The following ANO9 variants were observed in gnomAD, a reference collection of about 807,000 sequenced individuals.
The protein encoded by ANO9 is anoctamin 9.
A neutral mutation model predicts 100.5 loss-of-function variants in ANO9; 80 were observed. The ratio of observed to expected loss-of-function variants is 0.80; its 90% CI spans 0.66 to 0.96. ANO9 has a LOEUF of 0.96. ANO9 is among the 40% of genes least tolerant of loss of function. ANO9 has a pLI of 0.00. For synonymous variants in ANO9, 473 were observed against 435.6 expected (o/e 1.09, Z -1.07); for missense variants, 1,064 against 1,072.7 (o/e 0.99, Z 0.11).
intron 1 of ANO9, among the ~76,000 whole-genome samples, chr11:435,049 C>T (rs1233749885): frequency 9.2e-5 from 14 of 152,124 alleles, no homozygotes; most frequent in Non-Finnish European, 1.5e-5. Context: ...CCCAGTCACA[C>T]CTGATTTCCA....
intron 19 of ANO9, 183 bp downstream of exon 19, chr11:420,280 C>T: frequency 7.0e-7 from 1 of 1,433,114 alleles, no homozygotes; most frequent in East Asian, 2.5e-5. Context: ...CGGCCCCGCC[C>T]ACTCCTGGTA....
In ANO9 at chr11:434,023, C is replaced by T. The variant is rs1438548780; in HGVS notation, c.81+1G>A. ...CCCGGGAGGGGCCCCCGGACACCCA[C>T]CTCACAGGTGCTGATCTCCATCAGC... On this transcript the variant is annotated splice_donor_variant, in intron 2 of 22. Coordinates refer to ENST00000332826, the MANE Select transcript of ANO9 (RefSeq NM_001012302.3). LOFTEE classifies it high-confidence loss of function. 8 of 1,550,722 alleles carry T rather than the reference C, an allele frequency of 5.2e-6. 1 individual carries two copies. The highest frequency in any genetic ancestry group is 3.4e-4 in the Middle Eastern group (2 of 5,956).
chr11:439,917 G>T lies in ANO9; in HGVS notation c.6+2004C>A, dbSNP rs945990060. 7.2e-5 allele frequency among the ~76,000 whole-genome samples: 11 copies of T among 152,212 alleles called. No homozygotes were observed. The East Asian group carries it at 2.1e-3, about 29-fold the overall frequency. On this transcript the variant is annotated intron_variant, in intron 1 of 22. Transcript: ENST00000332826. ...TCCCCAGACACTGACGGAGCGACCTGCGTGCAGCCCTCCCAGGCAGTGCGT... is the reference window on the plus strand; with the variant it reads ...TCCCCAGACACTGACGGAGCGACCTTCGTGCAGCCCTCCCAGGCAGTGCGT...
At position 434,899 on chromosome 11, in the gene ANO9, C is replaced by T. The variant is rs75748956; in HGVS notation, c.7-801G>A. 9.1e-4 allele frequency among the ~76,000 whole-genome samples: 138 copies of T among 152,096 alleles called. 1 individual carries two copies. Among genetic ancestry groups the T allele is most frequent in the African/African-American group, 3.3e-3 (136 of 41,540 alleles). On this transcript the variant is annotated intron_variant, in intron 1 of 22. Transcript: ENST00000332826. ...GTCTCCAAGCTGTCTCTGGCTGCGT[C>T]ACACCTGGTCCCTGCACCTGAGTCC...
At chr11:439,100 G>A (rs1044491760) in intron 1 of ANO9, among the ~76,000 whole-genome samples, 2 of 152,130 alleles carry the variant, frequency 1.3e-5, no homozygotes, top group Non-Finnish European at 1.5e-5. Flanking sequence ...CCAGCCCCCA[G>A]GTCACCTCAG....
At position 434,131 on chromosome 11, in the gene ANO9, G is replaced by A. The variant is rs559019444; in HGVS notation, c.7-33C>T. ...TTTGGGGGCAGAGAAAGGGATAGGA[G>A]GATGTGATTGGGGGCTAGATGCCCC... is the stretch of plus-strand genomic sequence containing the variant. On this transcript the variant is annotated intron_variant, in intron 1 of 22. Transcript: ENST00000332826. The A allele has an allele frequency of 2.9e-5, 45 of 1,546,990 alleles. No homozygotes were observed. In the South Asian group the frequency reaches 3.8e-4, roughly 13 times the overall value.
chr11:428,781 G>A lies in ANO9; in HGVS notation c.961C>T (p.Arg321Trp), dbSNP rs576479302. The A allele has an allele frequency of 2.2e-5, 36 of 1,613,370 alleles. No homozygotes were observed. Among genetic ancestry groups the A allele is most frequent in the Admixed American group, 3.3e-5 (2 of 60,020 alleles). Reference protein sequence around the residue: ...QLINCPDYKLRPYQHSYLRST... With the variant: ...QLINCPDYKLWPYQHSYLRST... ...CGTAGGTAGGAGTGCTGGTATGGCC[G>A]GAGCTTGTAGTCGGGGCAGTTAATG... The change falls in exon 12 of 23, where the codon CGG becomes TGG. Residue 321 changes from arginine (R) to tryptophan (W), a missense_variant. Transcript: ENST00000332826.
chr11:418,557 G>C lies in ANO9; in HGVS notation c.2163C>G (p.Ala721=), dbSNP rs142898231. Residue 721 remains alanine, a synonymous_variant, in exon 23 of 23, where the codon GCC becomes GCG. Transcript: ENST00000332826. ...HVALCIKLIA[A]WFVPDIPQSV... ...ACTGAGGGATGTCGGGCACGAACCA[G>C]GCGGCGATGAGCTTGATGCACAAGG... The C allele has an allele frequency of 7.3e-5, 118 of 1,613,078 alleles. 1 individual carries two copies. In the African/African-American group the frequency reaches 1.3e-3, roughly 18 times the overall value.
intron 1 of ANO9, among the ~76,000 whole-genome samples, chr11:438,572 T>C (rs1297501379): frequency 6.7e-6 from 1 of 149,930 alleles, no homozygotes; most frequent in African/African-American, 2.5e-5. Flanking sequence ...GACCGGGCCG[T>C]CCATCTGTCC....
At chr11:433,493 G>C in intron 3 of ANO9, 34 bp from the exon 4 acceptor site, 1 of 1,595,442 alleles carries the variant, frequency 6.3e-7, no homozygotes, top group Non-Finnish European at 8.6e-7. Context: ...TCCCACCTCA[G>C]AACCCTCCCC....
In ANO9 at chr11:420,756, A is replaced by T. The variant is rs1475040565; in HGVS notation, c.1595T>A (p.Val532Asp). Residue 532 changes from valine to aspartate, a missense_variant, in exon 18 of 23, where the codon GTC (valine) becomes GAC (aspartate). Coordinates refer to ENST00000332826, the MANE Select transcript of ANO9 (RefSeq NM_001012302.3). The stretch of plus-strand genomic sequence containing the variant: ...CTCGTCGAACAGGCTGAAGGTGTTG[A>T]CCGGGTTCAGAAGGTAGTTGCGCCG... ...DWRRNYLLNP[V>D]NTFSLFDEFM... 1.9e-6 allele frequency: 3 copies of T among 1,606,684 alleles called. No individual in the cohort carries two copies. Among genetic ancestry groups the T allele is most frequent in the African/African-American group, 2.7e-5 (2 of 74,948 alleles).
rs766579871 is a variant in ANO9 at position 433,376 on chromosome 11, CTCCAGGAGGAG to C, written c.277_287del (p.Leu93AlafsTer2). On this transcript the variant is annotated frameshift_variant, in exon 4 of 23. Coordinates refer to ENST00000332826, the MANE Select transcript of ANO9 (RefSeq NM_001012302.3). LOFTEE classifies it high-confidence loss of function. ...CGGCGTGGGGGGCAGGCCCCTCAGG[CTCCAGGAGGAG>C]AGTGCGGTACAGGCCAAAGACACTG... 8.1e-6 allele frequency: 13 copies of C among 1,613,126 alleles called. No homozygotes were observed. The East Asian group carries it at 2.7e-4, about 33-fold the overall frequency.
chr11:437,764 C>T (rs1386965105), intron 1 of ANO9, among the ~76,000 whole-genome samples: 1 of 152,154 alleles, frequency 6.6e-6, no homozygotes, highest in African/African-American at 2.4e-5. Flanking sequence ...CGTAGGGGCC[C>T]GGGAAGTGTT....
At chr11:420,236 C>T (rs1848089739) in intron 19 of ANO9, 1 of 1,421,794 alleles carries the variant, frequency 7.0e-7, no homozygotes, top group South Asian at 1.5e-5. Context: ...CCTCTGAGAT[C>T]CTGACGGTTT....
chr11:429,884 G>T, intron 9 of ANO9, 66 bp from the exon 10 acceptor site: 1 of 1,431,550 alleles, frequency 7.0e-7, no homozygotes, highest in Non-Finnish European at 9.5e-7. Flanking sequence ...GGTGAGCCAG[G>T]GAGGGAGGCA....
intron 1 of ANO9, among the ~76,000 whole-genome samples, chr11:435,268 A>AGTCTC (rs1554938691): frequency 6.6e-6 from 1 of 151,704 alleles, no homozygotes; most frequent in Non-Finnish European, 1.5e-5. Context: ...GGTATAGTCT[A>AGTCTC]GTCTAGTCTA....
At chr11:439,553 A>G (rs1335146150) in intron 1 of ANO9, among the ~76,000 whole-genome samples, 1 of 152,108 alleles carries the variant, frequency 6.6e-6, no homozygotes, top group Non-Finnish European at 1.5e-5. Flanking sequence ...CACGACGCAC[A>G]TCCCCCCAGC....
intron 19 of ANO9, 112 bp from the exon 20 acceptor site, chr11:419,841 C>CTCGG (rs1848068424): frequency 1.4e-5 from 21 of 1,517,034 alleles, no homozygotes; most frequent in Admixed American, 1.0e-4. Flanking sequence ...CGTGGTGTCC[C>CTCGG]CTTGCAGCCC....
At chr11:439,803 G>A (rs748045586) in intron 1 of ANO9, among the ~76,000 whole-genome samples, 6 of 127,418 alleles carry the variant, frequency 4.7e-5, no homozygotes, top group African/African-American at 2.7e-4. Flanking sequence ...CTGGCTCTGC[G>A]CTCCTGAAGC....
Sources: allele counts gnomAD v4.1 joint callset (sites outside exome capture counted in the v4.1 genomes callset), GRCh38; gene constraint gnomAD v4.1.1; transcripts MANE v1.5; gene names NCBI Gene and HGNC (gene_info 2026-07-23, HGNC 2026-07-21).